Variants in NXPE2 observed in about 807,000 individuals in gnomAD.
NXPE2 encodes the protein NXPE family member 2.
NXPE2 carries 34 observed loss-of-function variants against 34.4 expected under a neutral mutation model. The ratio of observed to expected loss-of-function variants is 0.99; its 90% CI spans 0.75 to 1.31. The LOEUF is 1.31. Among genes scored for constraint, NXPE2 ranks in the 40% most tolerant of loss-of-function variants. The pLI is 0.00. For missense variants in NXPE2, 649 were observed against 672.5 expected, an observed-to-expected ratio of 0.97 and a Z score of 0.39; for synonymous variants, 235 against 231.3, an observed-to-expected ratio of 1.02 and a Z score of -0.15.
At chr11:114,693,979 G>T (rs950468417) in intron 2 of NXPE2, among the ~76,000 whole-genome samples, 10 of 152,194 alleles carry the variant, frequency 6.6e-5, no homozygotes, top group Non-Finnish European at 1.2e-4. Flanking sequence ...TAGCAGGGCT[G>T]CACTGCCTTC....
At chr11:114,627,147 CA>C in the NXPE2 span, among the ~76,000 whole-genome samples, 1 of 151,942 alleles carries the variant, frequency 6.6e-6, no homozygotes, top group Non-Finnish European at 1.5e-5. Flanking sequence ...GGCCAACGTT[CA>C]GATTCAGGAA....
the NXPE2 span, among the ~76,000 whole-genome samples, chr11:114,715,008 G>A: frequency 3.3e-5 from 5 of 152,134 alleles, no homozygotes; most frequent in African/African-American, 1.2e-4. Flanking sequence ...GCGACAGAGA[G>A]AGACTCTGTG....
chr11:114,475,903 A>AAC, the NXPE2 span, among the ~76,000 whole-genome samples: 2 of 152,088 alleles, frequency 1.3e-5, no homozygotes, highest in African/African-American at 4.8e-5. Flanking sequence ...TGAACTGAAT[A>AAC]ACACACACAC....
At chr11:114,809,637 C>T in the NXPE2 span, among the ~76,000 whole-genome samples, 3 of 12,450 alleles carry the variant, frequency 2.4e-4, no homozygotes, top group South Asian at 0.028. Context: ...TTACAAGGGA[C>T]ATGAAGGACC....
chr11:114,774,011 C>T, the NXPE2 span, among the ~76,000 whole-genome samples: 2 of 152,242 alleles, frequency 1.3e-5, no homozygotes, highest in Non-Finnish European at 2.9e-5. Flanking sequence ...CTCTCTACGG[C>T]CCTCAGTTGG....
chr11:114,626,102 G>A, the NXPE2 span, among the ~76,000 whole-genome samples: 7 of 152,184 alleles, frequency 4.6e-5, no homozygotes, highest in Non-Finnish European at 8.8e-5. Flanking sequence ...CTGGGAGAGG[G>A]GCGCCCGCCA....
the NXPE2 span, chr11:114,531,008 A>G: frequency 2.5e-6 from 3 of 1,215,084 alleles, no homozygotes; most frequent in Non-Finnish European, 3.3e-6. Flanking sequence ...TATTTGTATA[A>G]TTGAATTCAA....
At chr11:114,668,962 C>T in the NXPE2 span, among the ~76,000 whole-genome samples, 1 of 152,066 alleles carries the variant, frequency 6.6e-6, no homozygotes, top group Non-Finnish European at 1.5e-5. Flanking sequence ...GTGATTTTAA[C>T]TTGGGGCTGC....
At chr11:114,720,595 C>G in the NXPE2 span, among the ~76,000 whole-genome samples, 32 of 150,784 alleles carry the variant, frequency 2.1e-4, no homozygotes, top group African/African-American at 7.5e-4. Flanking sequence ...CAGGTGTGCT[C>G]TAAGTGTAAA....
At chr11:114,601,461 T>A in the NXPE2 span, among the ~76,000 whole-genome samples, 1 of 121,638 alleles carries the variant, frequency 8.2e-6, no homozygotes, top group East Asian at 2.1e-4. Context: ...ATATTATATA[T>A]AATATAAAAT....
the NXPE2 span, among the ~76,000 whole-genome samples, chr11:114,763,292 A>T: frequency 6.6e-6 from 1 of 152,090 alleles, no homozygotes; most frequent in Non-Finnish European, 1.5e-5. Flanking sequence ...AGTAAAATTA[A>T]TTTTTTGTTC....
chr11:114,580,277 C>A, the NXPE2 span: 6 of 1,613,838 alleles, frequency 3.7e-6, no homozygotes. Context: ...TCCAGACATG[C>A]CCACTGGGGA....
chr11:114,670,486 G>T, the NXPE2 span, among the ~76,000 whole-genome samples: 1 of 151,918 alleles, frequency 6.6e-6, no homozygotes, highest in African/African-American at 2.4e-5. Context: ...TTGAGGCTAG[G>T]AGTTGGAAAT....
the NXPE2 span, chr11:114,594,909 A>C: frequency 1.8e-6 from 1 of 558,614 alleles, no homozygotes; most frequent in South Asian, 2.1e-5. Context: ...ATAAACCTTC[A>C]CCCCCGCAAG....
the NXPE2 span, among the ~76,000 whole-genome samples, chr11:114,478,079 C>T: frequency 1.3e-3 from 196 of 152,100 alleles, no homozygotes; most frequent in African/African-American, 4.5e-3. Context: ...CCTCCCCCAC[C>T]CCAAGTACGA....
the NXPE2 span, among the ~76,000 whole-genome samples, chr11:114,561,692 T>A: frequency 6.6e-6 from 1 of 152,224 alleles, no homozygotes; most frequent in African/African-American, 2.4e-5. Flanking sequence ...GATGTCAAAG[T>A]TAGTATAATT....
chr11:114,580,161 C>A, the NXPE2 span: 1 of 1,614,032 alleles, frequency 6.2e-7, no homozygotes, highest in Non-Finnish European at 8.5e-7. Flanking sequence ...GTATTCCATC[C>A]ACTGGCGGAT....
At chr11:114,692,172 A>C (rs1951165747) in intron 2 of NXPE2, among the ~76,000 whole-genome samples, 1 of 152,164 alleles carries the variant, frequency 6.6e-6, no homozygotes, top group African/African-American at 2.4e-5. Context: ...ACCACTGCCA[A>C]GTGGCCAAAC....
chr11:114,603,000 A>T, the NXPE2 span, among the ~76,000 whole-genome samples: 1 of 151,114 alleles, frequency 6.6e-6, no homozygotes, highest in Non-Finnish European at 1.5e-5. Flanking sequence ...ATAATTACAG[A>T]ATCATATATA....
Sources: gnomAD v4.1 joint callset for allele counts (sites outside exome capture counted in the v4.1 genomes callset) on GRCh38, gnomAD v4.1.1 for gene constraint, MANE v1.5 for transcripts, NCBI Gene and HGNC (gene_info 2026-07-23, HGNC 2026-07-21) for gene names.